Variants in USH2A observed in about 807,000 individuals in gnomAD.
USH2A encodes the protein usherin, also known as Usher syndrome 2A (autosomal recessive, mild).
In USH2A, 443 loss-of-function variants were observed where a neutral mutation model predicts 538.9. That is an observed-to-expected ratio of 0.82 (90% CI 0.76 to 0.89). USH2A has a LOEUF of 0.89. USH2A is among the 40% of genes least tolerant of loss of function. USH2A has a pLI of 0.00. For synonymous variants in USH2A, 2,413 were observed against 2,273.5 expected (o/e 1.06, Z -1.75); for missense variants, 6,633 against 6,324.8 (o/e 1.05, Z -1.65).
intron 70 of USH2A, 148 bp downstream of exon 70, chr1:215,634,311 G>T: frequency 7.7e-7 from 1 of 1,303,278 alleles, no homozygotes; most frequent in Non-Finnish European, 1.1e-6. Context: ...AGCTGTTCTA[G>T]GGTTAGCCTC....
At chr1:215,860,076 A>C (rs538399718) in intron 44 of USH2A, among the ~76,000 whole-genome samples, 5 of 152,196 alleles carry the variant, frequency 3.3e-5, no homozygotes, top group Non-Finnish European at 4.4e-5. Flanking sequence ...GCATCTTTGC[A>C]CATGTCCACT....
chr1:216,365,203 A>G (rs1327570817), intron 3 of USH2A, 118 bp from the exon 4 acceptor site: 7 of 1,202,988 alleles, frequency 5.8e-6, no homozygotes, highest in Non-Finnish European at 8.0e-6. Flanking sequence ...TCAGCTGGGA[A>G]GACTGAAAAC....
chr1:216,160,980 T>C (rs572171495), intron 21 of USH2A, among the ~76,000 whole-genome samples: 1 of 152,296 alleles, frequency 6.6e-6, no homozygotes, highest in African/African-American at 2.4e-5. Flanking sequence ...TTTTTGTCAT[T>C]ATGAAATGTC....
intron 30 of USH2A, among the ~76,000 whole-genome samples, chr1:216,066,225 C>G (rs983599265): frequency 3.9e-5 from 6 of 151,906 alleles, no homozygotes; most frequent in Non-Finnish European, 7.4e-5. Context: ...AATCCCAGCA[C>G]TTTGGGAGGC....
intron 38 of USH2A, among the ~76,000 whole-genome samples, chr1:215,906,983 C>G (rs1391283407): frequency 1.3e-5 from 2 of 151,892 alleles, no homozygotes; most frequent in Non-Finnish European, 2.9e-5. Context: ...ACATCCCAGA[C>G]AGGTGACCCC....
chr1:216,092,724 T>C (rs1052374761), intron 22 of USH2A, among the ~76,000 whole-genome samples: 3 of 152,174 alleles, frequency 2.0e-5, no homozygotes, highest in African/African-American at 7.2e-5. Context: ...ATAAGCTCGT[T>C]GTTTCATATA....
At chr1:215,836,506 T>TTA (rs71159885) in intron 47 of USH2A, among the ~76,000 whole-genome samples, 1,189 of 18,232 alleles carry the variant, frequency 0.065, 186 homozygotes, top group African/African-American at 0.19. Context: ...ATAATATATA[T>TTA]TATATATATA....
chr1:215,864,295 G>A (rs913197469), intron 44 of USH2A, among the ~76,000 whole-genome samples: 1 of 152,042 alleles, frequency 6.6e-6, no homozygotes, highest in South Asian at 2.1e-4. Context: ...CTATGGGCTG[G>A]TTTCTATCTC....
intron 27 of USH2A, among the ~76,000 whole-genome samples, chr1:216,076,969 G>T (rs1476641252): frequency 6.6e-6 from 1 of 152,120 alleles, no homozygotes; most frequent in Non-Finnish European, 1.5e-5. Flanking sequence ...AGAGAGCATT[G>T]ACTGTAAAAA....
chr1:215,785,151 T>C (rs1043636454), intron 52 of USH2A, among the ~76,000 whole-genome samples: 1 of 152,182 alleles, frequency 6.6e-6, no homozygotes. Context: ...TTCATAAGGA[T>C]GTTTCAATCT....
chr1:216,129,751 A>G (rs1218344198), intron 21 of USH2A, among the ~76,000 whole-genome samples: 1 of 151,934 alleles, frequency 6.6e-6, no homozygotes, highest in Non-Finnish European at 1.5e-5. Flanking sequence ...ACAGTCCAAG[A>G]CATCCTGAGC....
At chr1:215,992,555 T>C (rs1410396407) in intron 35 of USH2A, among the ~76,000 whole-genome samples, 2 of 152,210 alleles carry the variant, frequency 1.3e-5, no homozygotes, top group East Asian at 1.9e-4. Context: ...TATTTATAAA[T>C]AGTATATTAA....
intron 35 of USH2A, among the ~76,000 whole-genome samples, chr1:215,982,566 A>G (rs138329864): frequency 2.6e-5 from 4 of 152,292 alleles, no homozygotes; most frequent in East Asian, 1.9e-4. Context: ...TTCCTTTCCA[A>G]TGAAGTCCAG....
Position 215,683,232 on chromosome 1 carries a change from C to T in USH2A, c.12067-2856G>A, listed in dbSNP as rs1399222297. On this transcript the variant is annotated intron_variant, in intron 61 of 71. Coordinates refer to ENST00000307340, the MANE Select transcript of USH2A (RefSeq NM_206933.4). ...ATAGTTTTATACACACACACACACA[C>T]ACACACACACACACACACACACGCA... Among the ~76,000 whole-genome samples, 3 of 48,180 alleles carry T rather than the reference C, an allele frequency of 6.2e-5. No homozygotes were observed. In the East Asian group the frequency reaches 5.3e-3, roughly 86 times the overall value. 31.6% of individuals were successfully genotyped at this position (48,180 alleles called of 152,430 possible).
At chr1:216,397,915 A>G (rs929261812) in intron 3 of USH2A, among the ~76,000 whole-genome samples, 1 of 152,172 alleles carries the variant, frequency 6.6e-6, no homozygotes, top group African/African-American at 2.4e-5. Context: ...TTTCATACAC[A>G]CACAGACATG....
At chr1:216,154,779 T>C (rs1041677819) in intron 21 of USH2A, among the ~76,000 whole-genome samples, 2 of 152,220 alleles carry the variant, frequency 1.3e-5, no homozygotes, top group East Asian at 1.9e-4. Flanking sequence ...TATTGCTTAC[T>C]AGTATTTCAT....
At chr1:216,363,788 A>G (rs1188677595) in intron 4 of USH2A, among the ~76,000 whole-genome samples, 1 of 152,008 alleles carries the variant, frequency 6.6e-6, no homozygotes, top group Non-Finnish European at 1.5e-5. Flanking sequence ...GAGAAGATAC[A>G]TTGACATGAA....
chr1:216,273,542 T>A (rs998458232), intron 11 of USH2A, among the ~76,000 whole-genome samples: 1 of 152,188 alleles, frequency 6.6e-6, no homozygotes, highest in Non-Finnish European at 1.5e-5. Context: ...CATTTCAAGG[T>A]TAAATTCAAT....
intron 3 of USH2A, among the ~76,000 whole-genome samples, chr1:216,369,823 T>G (rs976256722): frequency 2.0e-5 from 3 of 149,726 alleles, no homozygotes; most frequent in African/African-American, 7.5e-5. Context: ...CTCGGGAGGC[T>G]GAGGCGGGAG....
Sources: gnomAD v4.1 joint callset for allele counts (sites outside exome capture counted in the v4.1 genomes callset) on GRCh38, gnomAD v4.1.1 for gene constraint, MANE v1.5 for transcripts, NCBI Gene and HGNC (gene_info 2026-07-23, HGNC 2026-07-21) for gene names.